Variants in ST7 observed in about 807,000 individuals in gnomAD.
ST7 encodes suppression of tumorigenicity 7, also known as suppressor of tumorigenicity 7 protein.
A neutral mutation model predicts 78.7 loss-of-function variants in ST7; 28 were observed. The observed-to-expected ratio is 0.36, with a 90% confidence interval of 0.26 to 0.49. ST7 has a LOEUF of 0.49. Ranked by LOEUF, ST7 falls within the 20% of genes least tolerant of loss-of-function variation. ST7 has a pLI of 0.99. For synonymous variants in ST7, 247 were observed against 249.6 expected, an observed-to-expected ratio of 0.99 and a Z score of 0.10; for missense variants, 418 against 696.0, an observed-to-expected ratio of 0.60 and a Z score of 4.49.
At chr7:117,026,605 CA>C (rs1796193695) in intron 1 of ST7, among the ~76,000 whole-genome samples, 1 of 152,202 alleles carries the variant, frequency 6.6e-6, no homozygotes, top group Non-Finnish European at 1.5e-5. Flanking sequence ...ATGCCAGATG[CA>C]GCAACTAATT....
chr7:116,998,727 C>A (rs1381498056), intron 1 of ST7, among the ~76,000 whole-genome samples: 1 of 152,196 alleles, frequency 6.6e-6, no homozygotes, highest in Non-Finnish European at 1.5e-5. Context: ...GTGAGAAAAA[C>A]TGATAATGGA....
intron 1 of ST7, chr7:116,955,200 G>A (rs959197341): frequency 4.6e-6 from 2 of 439,072 alleles, no homozygotes; most frequent in South Asian, 1.7e-5. Flanking sequence ...ATACCTTTAA[G>A]AAGTTGTTTG....
chr7:117,030,039 G>C (rs1247593520), intron 1 of ST7, among the ~76,000 whole-genome samples: 2 of 151,836 alleles, frequency 1.3e-5, no homozygotes, highest in Non-Finnish European at 2.9e-5. Flanking sequence ...TTTTAAATTT[G>C]CTTGTCAATT....
At chr7:117,100,380 C>T (rs1471034684) in intron 2 of ST7, among the ~76,000 whole-genome samples, 1 of 152,020 alleles carries the variant, frequency 6.6e-6, no homozygotes, top group Non-Finnish European at 1.5e-5. Flanking sequence ...GAGGCTGAGG[C>T]AGGAAAATGG....
intron 13 of ST7, among the ~76,000 whole-genome samples, chr7:117,213,866 C>G (rs1424673998): frequency 6.6e-6 from 1 of 152,198 alleles, no homozygotes; most frequent in African/African-American, 2.4e-5. Flanking sequence ...ATTTGAAACA[C>G]TGTTCTGGCG....
intron 2 of ST7, 142 bp downstream of exon 2, chr7:117,099,986 G>T (rs1801448291): frequency 5.8e-6 from 3 of 518,722 alleles, no homozygotes; most frequent in Non-Finnish European, 9.6e-6. Context: ...TTGGGGAGTG[G>T]ACTCATAGAA....
At chr7:117,057,595 C>T (rs1798127746) in intron 1 of ST7, among the ~76,000 whole-genome samples, 1 of 152,144 alleles carries the variant, frequency 6.6e-6, no homozygotes, top group African/African-American at 2.4e-5. Context: ...TGCTCAAACA[C>T]AGCAAATAAT....
intron 1 of ST7, 86 bp from the exon 2 acceptor site, chr7:117,099,676 C>T: frequency 5.6e-6 from 5 of 897,138 alleles, no homozygotes; most frequent in Non-Finnish European, 6.8e-6. Context: ...AATGATTTTA[C>T]CAGAGAGAAA....
rs772419572 is a variant in ST7, at chr7:117,099,799, C to T, written c.189C>T (p.Tyr63=). The T allele has an allele frequency of 1.2e-5, 19 of 1,613,514 alleles. No individual in the cohort carries two copies. The highest frequency in any genetic ancestry group is 1.6e-4 in the Middle Eastern group (1 of 6,082). Residue 63 remains tyrosine, a synonymous_variant, in exon 2 of 16, where the codon TAC becomes TAT. Transcript: ENST00000323984. The part of the protein sequence containing the change: ...MFLNTLTPKF[Y]VALTGTSSLI... Reference sequence around the variant, plus strand: ...TGAACACATTAACACCGAAGTTCTACGTGGCCCTAACAGGCACTTCCTCAC... The same window carrying T: ...TGAACACATTAACACCGAAGTTCTATGTGGCCCTAACAGGCACTTCCTCAC...
chr7:117,041,410 A>G (rs1797222824), intron 1 of ST7, among the ~76,000 whole-genome samples: 2 of 152,194 alleles, frequency 1.3e-5, no homozygotes, highest in African/African-American at 4.8e-5. Flanking sequence ...AGACAGTGGT[A>G]TGGATACTTT....
chr7:117,182,354 A>G (rs1808838260), intron 10 of ST7, among the ~76,000 whole-genome samples: 1 of 152,196 alleles, frequency 6.6e-6, no homozygotes, highest in Non-Finnish European at 1.5e-5. Context: ...ATGGTCATTT[A>G]GGGAAGAAGA....
intron 1 of ST7, among the ~76,000 whole-genome samples, chr7:117,059,205 G>A (rs1798220909): frequency 6.6e-6 from 1 of 152,154 alleles, no homozygotes; most frequent in Non-Finnish European, 1.5e-5. Flanking sequence ...TGGATTGTTT[G>A]TAACACAAAG....
At chr7:117,214,526 T>G (rs1401611832) in intron 13 of ST7, among the ~76,000 whole-genome samples, 2 of 152,184 alleles carry the variant, frequency 1.3e-5, no homozygotes, top group Non-Finnish European at 2.9e-5. Context: ...GGCTGGCACC[T>G]TTTGAACTAC....
chr7:117,208,648 C>T (rs1345571108), intron 12 of ST7, among the ~76,000 whole-genome samples: 5 of 152,188 alleles, frequency 3.3e-5, no homozygotes, highest in African/African-American at 4.8e-5. Flanking sequence ...GACAGGGAAA[C>T]ATTGATAGTT....
chr7:117,099,056 AAAAAAAAAAC>A (rs1365406761), intron 1 of ST7, among the ~76,000 whole-genome samples: 25 of 144,918 alleles, frequency 1.7e-4, no homozygotes, highest in South Asian at 1.1e-3. Context: ...CAAAAAAAAA[AAAAAAAAAAC>A]AAAAAAAAAA....
intron 1 of ST7, among the ~76,000 whole-genome samples, chr7:117,071,035 C>T (rs1744725061): frequency 6.6e-6 from 1 of 151,824 alleles, no homozygotes; most frequent in African/African-American, 2.4e-5. Flanking sequence ...TTGGTTAACA[C>T]GGTGAAACGC....
At chr7:117,123,788 C>G (rs1308226857) in intron 3 of ST7, among the ~76,000 whole-genome samples, 1 of 152,070 alleles carries the variant, frequency 6.6e-6, no homozygotes, top group Admixed American at 6.6e-5. Flanking sequence ...GCCATAAAGA[C>G]AAAGGTTTGC....
intron 2 of ST7, chr7:117,118,045 C>T (rs550548738): frequency 2.6e-5 from 4 of 152,452 alleles, no homozygotes; most frequent in East Asian, 1.9e-4. Context: ...TATATTCCCC[C>T]GTCTCTGCCC....
At chr7:117,210,447 A>G (rs1054729994) in intron 13 of ST7, among the ~76,000 whole-genome samples, 1 of 152,230 alleles carries the variant, frequency 6.6e-6, no homozygotes, top group African/African-American at 2.4e-5. Context: ...GAGGTGTAGC[A>G]TTCATGTATT....
Sources: gnomAD v4.1 joint callset for allele counts (sites outside exome capture counted in the v4.1 genomes callset) on GRCh38, gnomAD v4.1.1 for gene constraint, MANE v1.5 for transcripts, NCBI Gene and HGNC (gene_info 2026-07-23, HGNC 2026-07-21) for gene names.